LPA: variants seen among roughly 807,000 people sequenced by gnomAD.
LPA encodes the protein lipoprotein(a).
In LPA, 199 loss-of-function variants were observed where a neutral mutation model predicts 197.9. That is an observed-to-expected ratio of 1.01 (90% confidence interval 0.90 to 1.13). The LOEUF (loss-of-function observed/expected upper bound fraction) is 1.13, where lower values mean the gene tolerates loss of function less well. Ranked by LOEUF, LPA falls within the 50% of genes most tolerant of loss-of-function variation. The pLI, the probability that LPA is intolerant of heterozygous loss-of-function variation, is 0.00. For missense variants in LPA, 1,853 were observed against 1,785.8 expected (o/e 1.04, Z -0.68); for synonymous variants, 715 against 639.5 (o/e 1.12, Z -1.78).
chr6:160,588,497 T>C lies in LPA; in HGVS notation c.3947+1056A>G, dbSNP rs149311110. 1.6e-4 allele frequency among the ~76,000 whole-genome samples: 25 copies of C among 152,326 alleles called. No individual in the cohort carries two copies. The East Asian group carries it at 4.2e-3, about 26-fold the overall frequency. ...CCCCAGTGCTATGTGAGCTCTGGCATCTCCATTGAGCTTACTGTTCCCCTG... is the reference window on the plus strand; with the variant it reads ...CCCCAGTGCTATGTGAGCTCTGGCACCTCCATTGAGCTTACTGTTCCCCTG... On this transcript the variant is annotated intron_variant, in intron 24 of 38. Coordinates refer to ENST00000316300, the MANE Select transcript of LPA (RefSeq NM_005577.4).
chr6:160,603,019 T>C (rs1331650653), intron 18 of LPA, among the ~76,000 whole-genome samples: 1 of 143,926 alleles, frequency 6.9e-6, no homozygotes, highest in African/African-American at 2.6e-5. Context: ...TTTTTGGAAA[T>C]TCCCTGTCTG....
chr6:160,534,392 T>C (rs752489265), intron 37 of LPA, among the ~76,000 whole-genome samples: 7 of 152,156 alleles, frequency 4.6e-5, no homozygotes, highest in Non-Finnish European at 5.9e-5. Flanking sequence ...TCGTGGCCAA[T>C]GTAGAGATGG....
intron 28 of LPA, among the ~76,000 whole-genome samples, chr6:160,572,467 T>C (rs372116495): frequency 6.6e-6 from 1 of 152,230 alleles, no homozygotes; most frequent in Admixed American, 6.5e-5. Flanking sequence ...TTTTTTGTTT[T>C]TGTTTTTTAA....
chr6:160,544,088 G>T (rs1778025547), intron 33 of LPA, among the ~76,000 whole-genome samples: 2 of 152,140 alleles, frequency 1.3e-5, no homozygotes, highest in Admixed American at 6.5e-5. Flanking sequence ...TGTGGGTGAG[G>T]ACAGCAGAAT....
At chr6:160,635,627 T>C in intron 6 of LPA, among the ~76,000 whole-genome samples, 1 of 124,764 alleles carries the variant, frequency 8.0e-6, no homozygotes, top group Admixed American at 7.4e-5. Context: ...CCAATCCATC[T>C]CTCTGGAATA....
At chr6:160,593,830 T>C in intron 22 of LPA, 128 bp downstream of exon 22, 6 of 1,194,642 alleles carry the variant, frequency 5.0e-6, no homozygotes, top group Non-Finnish European at 2.5e-6. Context: ...GAAAGAAGCC[T>C]GAGACATTCT....
rs145692920 is a variant in LPA, at chr6:160,592,080, T to C, written c.3630-979A>G. On this transcript the variant is annotated intron_variant, in intron 22 of 38. Coordinates refer to ENST00000316300, the MANE Select transcript of LPA (RefSeq NM_005577.4). ...CATTTTCTGTATGTTTGGAAATTTG[T>C]CAGCCGTCATGGCTTCAAGTATAAC... Among the ~76,000 whole-genome samples the C allele has an allele frequency of 3.3e-3, 497 of 152,338 alleles. 2 individuals are homozygous for C. The highest frequency in any genetic ancestry group is 0.011 in the African/African-American group (461 of 41,576).
In LPA at chr6:160,557,069, G is replaced by C. The variant is rs150765009; in HGVS notation, c.4813+321C>G. On this transcript the variant is annotated intron_variant, in intron 29 of 38. Coordinates refer to ENST00000316300, the MANE Select transcript of LPA (RefSeq NM_005577.4). ...CACTGTCCATTTTAATAAATGCCTG[G>C]AAACACTCACTAGTGTGAAATTTGG... is the stretch of plus-strand genomic sequence containing the variant. Among the ~76,000 whole-genome samples, 755 of 152,156 alleles carry C rather than the reference G, an allele frequency of 5.0e-3. 10 individuals carry two copies. The highest frequency in any genetic ancestry group is 0.024 in the Middle Eastern group (7 of 294).
intron 24 of LPA, among the ~76,000 whole-genome samples, chr6:160,588,578 C>T (rs988910037): frequency 1.2e-4 from 19 of 152,176 alleles, no homozygotes; most frequent in Admixed American, 3.9e-4. Flanking sequence ...TGAAAACTCT[C>T]CCTGTGCATA....
rs201060881 is a variant in LPA at position 160,650,401 on chromosome 6, C to T, written c.146G>A (p.Cys49Tyr). The change falls in exon 2 of 39, where the codon TGC (cysteine) becomes TAC (tyrosine). Residue 49 changes from cysteine to tyrosine, a missense_variant. By Grantham distance (194) the Cys-to-Tyr change is radical. Transcript: ENST00000316300. ...TGGTGTCATAGATGACCAAGCTTGG[C>T]AGGTCCTTCCTGTGACAGTGGTGGA... is the stretch of plus-strand genomic sequence containing the variant. ...TYSTTVTGRT[C>Y]QAWSSMTPHQ... 1.2e-5 allele frequency: 19 copies of T among 1,613,894 alleles called. No individual in the cohort carries two copies. The East Asian group carries it at 2.0e-4, about 17-fold the overall frequency.
intron 24 of LPA, 31 bp downstream of exon 24, chr6:160,589,522 G>C (rs7450279): frequency 0.35 from 568,664 of 1,609,014 alleles, 103,830 homozygotes; most frequent in African/African-American, 0.56. Context: ...GTGGGTGGCT[G>C]TTTCTCTTGG....
At chr6:160,569,653 G>C (rs944951257) in intron 28 of LPA, among the ~76,000 whole-genome samples, 12 of 152,080 alleles carry the variant, frequency 7.9e-5, no homozygotes, top group Non-Finnish European at 1.2e-4. Context: ...AAACTAAAGA[G>C]CTTCTGCACA....
chr6:160,598,451 G>T (rs1049920963), intron 20 of LPA, among the ~76,000 whole-genome samples: 5 of 152,178 alleles, frequency 3.3e-5, no homozygotes, highest in Non-Finnish European at 4.4e-5. Context: ...TGCAGGAAGG[G>T]TCTCCTTGAA....
At chr6:160,546,120 G>A (rs1426336085) in intron 32 of LPA, among the ~76,000 whole-genome samples, 2 of 152,136 alleles carry the variant, frequency 1.3e-5, no homozygotes, top group African/African-American at 4.8e-5. Context: ...CTCTTGGTGG[G>A]TTCCTGGATA....
At chr6:160,610,332 G>A (rs1490879542) in intron 16 of LPA, among the ~76,000 whole-genome samples, 2 of 152,252 alleles carry the variant, frequency 1.3e-5, no homozygotes, top group East Asian at 3.9e-4. Flanking sequence ...TTTCAGCTGT[G>A]CAAGGGGTTG....
At chr6:160,600,800 G>C (rs1052905131) in intron 19 of LPA, 117 bp downstream of exon 19, 23 of 1,205,900 alleles carry the variant, frequency 1.9e-5, no homozygotes, top group Non-Finnish European at 2.4e-5. Context: ...CCACATGGCA[G>C]ACCCAGAACC....
chr6:160,647,101 C>A (rs1019042738), intron 2 of LPA, among the ~76,000 whole-genome samples: 2 of 152,204 alleles, frequency 1.3e-5, no homozygotes, highest in African/African-American at 4.8e-5. Context: ...GAATGGGTTC[C>A]TGGGCAGGAC....
At chr6:160,576,400 A>G (rs1295453560) in intron 28 of LPA, among the ~76,000 whole-genome samples, 1 of 56,318 alleles carries the variant, frequency 1.8e-5, no homozygotes, top group Non-Finnish European at 3.1e-5. Context: ...GTATATATAT[A>G]TATATATATA....
chr6:160,545,683 T>C, intron 32 of LPA, 150 bp from the exon 33 acceptor site: 1 of 658,348 alleles, frequency 1.5e-6, no homozygotes, highest in Non-Finnish European at 2.7e-6. Flanking sequence ...TTTGACAAAG[T>C]TATTTCTTTC....
Sources: allele counts gnomAD v4.1 joint callset (sites outside exome capture counted in the v4.1 genomes callset), GRCh38; gene constraint gnomAD v4.1.1; transcripts MANE v1.5; gene names NCBI Gene and HGNC (gene_info 2026-07-23, HGNC 2026-07-21).